LOC128706666: variants seen among roughly 807,000 people sequenced by gnomAD.
chr20:10,427,468 TGAA>T, the LOC128706666 span, among the ~76,000 whole-genome samples: 1 of 152,250 alleles, frequency 6.6e-6, no homozygotes, highest in African/African-American at 2.4e-5. Context: ...TGAAACTTTA[TGAA>T]GTTTACTGGA....
the LOC128706666 span, chr20:10,413,735 T>C: frequency 1.6e-6 from 1 of 614,042 alleles, no homozygotes; most frequent in Non-Finnish European, 2.8e-6. Context: ...TTATTTTACT[T>C]CACTCTTCAA....
the LOC128706666 span, among the ~76,000 whole-genome samples, chr20:10,430,678 T>C: frequency 7.9e-5 from 12 of 152,304 alleles, no homozygotes; most frequent in African/African-American, 2.9e-4. Flanking sequence ...GTGAATCTGG[T>C]AATTAGATTC....
the LOC128706666 span, among the ~76,000 whole-genome samples, chr20:10,428,577 G>A: frequency 2.0e-5 from 3 of 152,160 alleles, no homozygotes; most frequent in Non-Finnish European, 4.4e-5. Context: ...GGTGGCTCAC[G>A]CCTCTAATTC....
the LOC128706666 span, chr20:10,420,570 C>T: frequency 2.0e-5 from 3 of 152,202 alleles, no homozygotes; most frequent in African/African-American, 7.2e-5. Context: ...TTTGGCTCTT[C>T]TGAAGATTTG....
the LOC128706666 span, among the ~76,000 whole-genome samples, chr20:10,423,250 T>C: frequency 1.3e-5 from 2 of 152,026 alleles, no homozygotes; most frequent in East Asian, 1.9e-4. Flanking sequence ...CAAAACCCGT[T>C]TCTACAAAAA....
At chr20:10,420,273 C>G in the LOC128706666 span, among the ~76,000 whole-genome samples, 33 of 152,208 alleles carry the variant, frequency 2.2e-4, no homozygotes, top group African/African-American at 6.5e-4. Context: ...TGCACACATT[C>G]ATGATCCTGG....
the LOC128706666 span, among the ~76,000 whole-genome samples, chr20:10,428,177 A>G: frequency 6.6e-6 from 1 of 152,240 alleles, no homozygotes; most frequent in African/African-American, 2.4e-5. Context: ...GTGGTTTATC[A>G]CAATGGTTGT....
the LOC128706666 span, among the ~76,000 whole-genome samples, chr20:10,417,010 C>G: frequency 1.3e-5 from 2 of 152,030 alleles, no homozygotes; most frequent in Non-Finnish European, 1.5e-5. Context: ...TAGGTTACAG[C>G]AATGATAATG....
the LOC128706666 span, among the ~76,000 whole-genome samples, chr20:10,432,310 A>G: frequency 2.6e-5 from 4 of 152,296 alleles, no homozygotes; most frequent in South Asian, 8.3e-4. Context: ...TAATCATCCA[A>G]AAAGTCTTCT....
At chr20:10,416,943 G>T in the LOC128706666 span, among the ~76,000 whole-genome samples, 1 of 152,126 alleles carries the variant, frequency 6.6e-6, no homozygotes, top group African/African-American at 2.4e-5. Context: ...TATATGATCT[G>T]CAAAGCCTAA....
chr20:10,424,582 CA>C, the LOC128706666 span, among the ~76,000 whole-genome samples: 46 of 142,042 alleles, frequency 3.2e-4, no homozygotes, highest in African/African-American at 4.9e-4. Context: ...GCTAGTTTTA[CA>C]AAAAAAAAAA....
At chr20:10,417,245 TA>T in the LOC128706666 span, among the ~76,000 whole-genome samples, 105,265 of 132,396 alleles carry the variant, frequency 0.8, 42,108 homozygotes, top group Non-Finnish European at 0.86. Context: ...GACTCCATCT[TA>T]AAAAAAAAAA....
At chr20:10,427,162 T>C in the LOC128706666 span, among the ~76,000 whole-genome samples, 34 of 152,114 alleles carry the variant, frequency 2.2e-4, no homozygotes, top group African/African-American at 7.5e-4. Flanking sequence ...TTATTCTATC[T>C]AGCATAGTAT....
At chr20:10,417,395 G>T in the LOC128706666 span, among the ~76,000 whole-genome samples, 1 of 152,192 alleles carries the variant, frequency 6.6e-6, no homozygotes, top group African/African-American at 2.4e-5. Flanking sequence ...AGGATTGCTT[G>T]AGGCCAGAAA....
chr20:10,429,220 A>G, the LOC128706666 span, among the ~76,000 whole-genome samples: 1 of 152,028 alleles, frequency 6.6e-6, no homozygotes, highest in Non-Finnish European at 1.5e-5. Context: ...AAGATCACCA[A>G]TCCTTCCCCT....
the LOC128706666 span, among the ~76,000 whole-genome samples, chr20:10,426,073 CTTAAA>C: frequency 6.6e-6 from 1 of 152,168 alleles, no homozygotes; most frequent in African/African-American, 2.4e-5. Context: ...AAAGTATGGT[CTTAAA>C]TTATTCAAAA....
the LOC128706666 span, among the ~76,000 whole-genome samples, chr20:10,429,348 C>T: frequency 2.6e-5 from 4 of 152,278 alleles, no homozygotes; most frequent in African/African-American, 9.6e-5. Flanking sequence ...ACCTATTCAT[C>T]CTTATCAAAG....
At chr20:10,425,063 A>AAAAG in the LOC128706666 span, among the ~76,000 whole-genome samples, 2 of 151,696 alleles carry the variant, frequency 1.3e-5, no homozygotes, top group Non-Finnish European at 2.9e-5. Flanking sequence ...CAAAAAAAAA[A>AAAAG]AAAGAAAGAA....
the LOC128706666 span, among the ~76,000 whole-genome samples, chr20:10,430,709 A>G: frequency 6.6e-6 from 1 of 152,216 alleles, no homozygotes; most frequent in South Asian, 2.1e-4. Context: ...TAGGACAGAT[A>G]ACTGTCAAGC....
Sources: gnomAD v4.1 joint callset for allele counts (sites outside exome capture counted in the v4.1 genomes callset) on GRCh38, gnomAD v4.1.1 for gene constraint, MANE v1.5 for transcripts.